The following EMP2 variants were observed in gnomAD, a reference collection of about 807,000 sequenced individuals.
The protein encoded by EMP2 is epithelial membrane protein 2.
A neutral mutation model predicts 13.7 loss-of-function variants in EMP2; 19 were observed. That is an observed-to-expected ratio of 1.38 (90% CI 0.97 to 2.03). The LOEUF (loss-of-function observed/expected upper bound fraction) is 2.03. Ranked by LOEUF, EMP2 falls within the 30% of genes most tolerant of loss-of-function variation. EMP2 has a pLI of 0.00. For missense variants in EMP2, 253 were observed against 220.7 expected (o/e 1.15, Z -0.93); for synonymous variants, 97 against 84.7 (o/e 1.15, Z -0.80).
intron 1 of EMP2, among the ~76,000 whole-genome samples, chr16:10,551,643 G>C (rs1316121924): frequency 6.6e-6 from 1 of 152,202 alleles, no homozygotes; most frequent in Non-Finnish European, 1.5e-5. Context: ...TTGACCTCAT[G>C]TGATCTGCCT....
At chr16:10,579,412 T>A (rs1166548337) in intron 1 of EMP2, among the ~76,000 whole-genome samples, 2 of 152,136 alleles carry the variant, frequency 1.3e-5, no homozygotes, top group East Asian at 3.8e-4. Flanking sequence ...TTTTAACCGA[T>A]GATAAGCATA....
intron 3 of EMP2, among the ~76,000 whole-genome samples, chr16:10,542,196 G>A (rs569999629): frequency 1.2e-4 from 19 of 152,108 alleles, no homozygotes; most frequent in East Asian, 7.7e-4. Flanking sequence ...CCAGGAGTTC[G>A]AGACCAGCCT....
At chr16:10,570,233 T>G (rs984157488) in intron 1 of EMP2, among the ~76,000 whole-genome samples, 11 of 151,582 alleles carry the variant, frequency 7.3e-5, no homozygotes, top group African/African-American at 2.7e-4. Context: ...GCTTTTTTTT[T>G]TTTTTTTTTA....
chr16:10,570,324 C>A (rs968271964), intron 1 of EMP2, among the ~76,000 whole-genome samples: 4 of 151,502 alleles, frequency 2.6e-5, no homozygotes, highest in African/African-American at 9.7e-5. Context: ...TTCCTAGCCT[C>A]AAGCAATCCT....
rs761837614 is a variant in EMP2, at chr16:10,575,237, C to CTTTTTTTTTTTTTTTTTTTT, written c.-61+5292_-61+5311dup. Among the ~76,000 whole-genome samples, 41 of 52,488 alleles carry CTTTTTTTTTTTTTTTTTTTT rather than the reference C, an allele frequency of 7.8e-4. 9 individuals are homozygous for CTTTTTTTTTTTTTTTTTTTT. Among genetic ancestry groups the CTTTTTTTTTTTTTTTTTTTT allele is most frequent in the Admixed American group, 1.1e-3 (3 of 2,754 alleles). The allele number at this position is 52,488 out of a possible 152,430, so 34.4% of individuals were successfully genotyped here. On this transcript the variant is annotated intron_variant, in intron 1 of 4. Transcript: ENST00000359543. ...TGGCCTTGGTCCTGGAGCTTGCATT[C>CTTTTTTTTTTTTTTTTTTTT]TTTTTTTTTTTTTTTTTTTTTTTTT... is the stretch of plus-strand genomic sequence containing the variant.
At chr16:10,536,281 G>T (rs2050646494) in intron 4 of EMP2, among the ~76,000 whole-genome samples, 1 of 152,038 alleles carries the variant, frequency 6.6e-6, no homozygotes, top group Non-Finnish European at 1.5e-5. Flanking sequence ...ATTTTTTCAA[G>T]GAAGAGTCTC....
At position 10,530,464 on chromosome 16, in the gene EMP2, C is replaced by G. The variant is rs1180747607; in HGVS notation, c.*2441G>C. 1 of 152,574 alleles carries G rather than the reference C, an allele frequency of 6.6e-6. No homozygotes were observed. The highest frequency in any genetic ancestry group is 2.4e-5 in the African/African-American group (1 of 41,412). The allele number at this position is 152,574 out of a possible 1,614,324, so 9.5% of individuals were successfully genotyped here. A position where few individuals can be genotyped will look rare whatever the true frequency, so the allele number is the denominator to read the frequency against. ...ACTCCACTCAGCAGAAGGTCAAGTG[C>G]AAAAGTATTTAAATAGCACGAGGTC... On this transcript the variant is annotated 3_prime_UTR_variant, in exon 5 of 5. Coordinates refer to ENST00000359543, the MANE Select transcript of EMP2 (RefSeq NM_001424.6).
chr16:10,577,102 T>C (rs1488932870), intron 1 of EMP2, among the ~76,000 whole-genome samples: 1 of 152,214 alleles, frequency 6.6e-6, no homozygotes, highest in Non-Finnish European at 1.5e-5. Context: ...GGCCTAGATC[T>C]AGTCCTGGGT....
chr16:10,543,856 T>C (rs1389495594), intron 2 of EMP2, among the ~76,000 whole-genome samples, 196 bp from the exon 3 acceptor site: 2 of 152,130 alleles, frequency 1.3e-5, no homozygotes, highest in African/African-American at 2.4e-5. Context: ...CATTTCTTTC[T>C]TTTCTATTTA....
chr16:10,537,977 C>T lies in EMP2; in HGVS notation c.267G>A (p.Leu89=). 1.2e-6 allele frequency: 2 copies of T among 1,614,140 alleles called. No homozygotes were observed. Among genetic ancestry groups the T allele is most frequent in the Non-Finnish European group, 1.7e-6 (2 of 1,180,026 alleles). ...TTAGGACAAACCTCTCTCCCTGCTTCAGGCGGAAGAGCTGGAGCACGAAGA... is the reference window on the plus strand; with the variant it reads ...TTAGGACAAACCTCTCTCCCTGCTTTAGGCGGAAGAGCTGGAGCACGAAGA... ...FFIFVLQLFR[L]KQGERFVLTS... is the part of the protein sequence containing the mutation. Residue 89 remains leucine, a synonymous_variant, in exon 4 of 5, where the codon CTG becomes CTA. Coordinates refer to ENST00000359543, the MANE Select transcript of EMP2 (RefSeq NM_001424.6).
intron 1 of EMP2, among the ~76,000 whole-genome samples, chr16:10,569,213 A>C (rs1195901249): frequency 6.6e-6 from 1 of 152,250 alleles, no homozygotes; most frequent in Non-Finnish European, 1.5e-5. Context: ...GTAGGCCCTC[A>C]GTGTCAATCA....
At chr16:10,545,362 T>A (rs894741737) in intron 2 of EMP2, 1 of 152,222 alleles carries the variant, frequency 6.6e-6, no homozygotes, top group African/African-American at 2.4e-5. Context: ...CATGGACTGG[T>A]ACCTGTCTGT....
chr16:10,534,048 G>A (rs1235318878), intron 4 of EMP2, among the ~76,000 whole-genome samples: 1 of 152,012 alleles, frequency 6.6e-6, no homozygotes. Flanking sequence ...TCACGAGGCA[G>A]AGGTTGCAGT....
chr16:10,539,318 A>G (rs147311879), intron 3 of EMP2, among the ~76,000 whole-genome samples: 1 of 152,298 alleles, frequency 6.6e-6, no homozygotes, highest in Non-Finnish European at 1.5e-5. Flanking sequence ...ATAATTGGTA[A>G]GTACTTAATG....
At chr16:10,574,400 G>A (rs996222598) in intron 1 of EMP2, among the ~76,000 whole-genome samples, 1 of 151,800 alleles carries the variant, frequency 6.6e-6, no homozygotes, top group East Asian at 1.9e-4. Context: ...CAGGTTCTTG[G>A]GGATGTGGAA....
At chr16:10,540,152 T>C (rs1438586750) in intron 3 of EMP2, among the ~76,000 whole-genome samples, 5 of 152,164 alleles carry the variant, frequency 3.3e-5, no homozygotes, top group African/African-American at 9.7e-5. Flanking sequence ...TGGAACCCAG[T>C]GAGGACGGGA....
intron 1 of EMP2, among the ~76,000 whole-genome samples, chr16:10,549,862 CTTTTCTTTTTTTTTCT>C (rs2050771286): frequency 2.1e-5 from 3 of 140,010 alleles, no homozygotes; most frequent in African/African-American, 2.6e-5. Context: ...CTTTTCTTTT[CTTTTCTTTTTTTTTCT>C]TTTTCTTTTT....
intron 1 of EMP2, among the ~76,000 whole-genome samples, chr16:10,578,575 A>T (rs920601340): frequency 4.6e-5 from 7 of 152,206 alleles, no homozygotes; most frequent in African/African-American, 1.7e-4. Flanking sequence ...GGGCAGTGTC[A>T]GCCCCAAGCC....
intron 3 of EMP2, among the ~76,000 whole-genome samples, chr16:10,540,093 G>A (rs553302031): frequency 8.5e-5 from 13 of 152,358 alleles, no homozygotes; most frequent in African/African-American, 2.9e-4. Flanking sequence ...TCAAAGCTGG[G>A]AGGGGGTGCA....
Sources: gnomAD v4.1 joint callset for allele counts (sites outside exome capture counted in the v4.1 genomes callset) on GRCh38, gnomAD v4.1.1 for gene constraint, MANE v1.5 for transcripts, NCBI Gene and HGNC (gene_info 2026-07-23, HGNC 2026-07-21) for gene names.